The following TSHZ2 variants were observed in gnomAD, a reference collection of about 807,000 sequenced individuals.
The protein encoded by TSHZ2 is teashirt homolog 2.
In TSHZ2, 21 loss-of-function variants were observed where a neutral mutation model predicts 74.4. The observed-to-expected ratio is 0.28, with a 90% CI of 0.20 to 0.41. The LOEUF is 0.41. TSHZ2 is among the 10% of genes least tolerant of loss of function. TSHZ2 has a pLI of 1.00. For missense variants in TSHZ2, 1,244 were observed against 1,293.5 expected, an observed-to-expected ratio of 0.96 and a Z score of 0.59; for synonymous variants, 540 against 515.3, an observed-to-expected ratio of 1.05 and a Z score of -0.65.
intron 1 of TSHZ2, among the ~76,000 whole-genome samples, chr20:53,133,599 A>T (rs1195491584): frequency 1.3e-5 from 2 of 152,254 alleles, no homozygotes; most frequent in African/African-American, 4.8e-5. Flanking sequence ...TCTGCTTAAA[A>T]ATACATATAT....
At chr20:53,027,758 C>CA (rs974291474) in intron 1 of TSHZ2, among the ~76,000 whole-genome samples, 1 of 151,368 alleles carries the variant, frequency 6.6e-6, no homozygotes, top group Non-Finnish European at 1.5e-5. Context: ...GACTTCAACT[C>CA]AAAAAAAGAA....
chr20:53,085,795 T>G (rs1440770821), intron 1 of TSHZ2, among the ~76,000 whole-genome samples: 1 of 152,182 alleles, frequency 6.6e-6, no homozygotes, highest in Non-Finnish European at 1.5e-5. Context: ...AGCTGCAAAG[T>G]CATGCCCATT....
At chr20:53,363,450 G>A (rs893294327) in intron 2 of TSHZ2, among the ~76,000 whole-genome samples, 1 of 152,204 alleles carries the variant, frequency 6.6e-6, no homozygotes, top group Non-Finnish European at 1.5e-5. Context: ...ATATCATTGG[G>A]ATATGGATTA....
chr20:53,386,610 C>T (rs931372005), intron 2 of TSHZ2, among the ~76,000 whole-genome samples: 6 of 152,294 alleles, frequency 3.9e-5, no homozygotes, highest in African/African-American at 7.2e-5. Flanking sequence ...TTGTCAAGGG[C>T]GACACTTCTG....
chr20:53,080,072 G>A (rs1478772355), intron 1 of TSHZ2, among the ~76,000 whole-genome samples: 3 of 152,198 alleles, frequency 2.0e-5, no homozygotes, highest in East Asian at 1.9e-4. Context: ...ATCAAGACCC[G>A]AAAAGCAATT....
chr20:53,233,015 C>A (rs550235891), intron 1 of TSHZ2, among the ~76,000 whole-genome samples: 1 of 152,230 alleles, frequency 6.6e-6, no homozygotes, highest in African/African-American at 2.4e-5. Flanking sequence ...TAAAAAAGAT[C>A]TTTATAATGT....
chr20:53,051,453 G>GCGCACA (rs1423362488), intron 1 of TSHZ2, among the ~76,000 whole-genome samples: 9 of 102,992 alleles, frequency 8.7e-5, no homozygotes, highest in South Asian at 6.9e-4. Flanking sequence ...ACTCTGTGGC[G>GCGCACA]CACGCACACA....
At chr20:53,218,616 A>C (rs981673592) in intron 1 of TSHZ2, among the ~76,000 whole-genome samples, 2 of 152,012 alleles carry the variant, frequency 1.3e-5, no homozygotes, top group South Asian at 4.2e-4. Flanking sequence ...TCACTCAGCA[A>C]CTCTCCCCAA....
chr20:53,319,191 A>G (rs575307686), intron 2 of TSHZ2, among the ~76,000 whole-genome samples: 1 of 152,338 alleles, frequency 6.6e-6, no homozygotes, highest in African/African-American at 2.4e-5. Context: ...GCTAATATTT[A>G]TTGATCACCT....
chr20:53,488,387 A>T lies in TSHZ2; in HGVS notation c.*1252A>T, dbSNP rs1256945775. 6.6e-6 allele frequency: 1 copy of T among 152,650 alleles called. No individual in the cohort carries two copies. Among genetic ancestry groups the T allele is most frequent in the Admixed American group, 6.5e-5 (1 of 15,308 alleles). 9.5% of individuals were successfully genotyped at this position (152,650 alleles called of 1,614,324 possible). ...TTACACAGATTAAAATCAGGTCCTA[A>T]GTCAACTTGGAAGAGCTAAGAGCAT... is the stretch of plus-strand genomic sequence containing the variant. On this transcript the variant is annotated 3_prime_UTR_variant, in exon 3 of 3. Transcript: ENST00000371497.
At chr20:53,332,143 A>G (rs986614710) in intron 2 of TSHZ2, among the ~76,000 whole-genome samples, 2 of 152,192 alleles carry the variant, frequency 1.3e-5, no homozygotes, top group African/African-American at 4.8e-5. Flanking sequence ...ACCACATGCC[A>G]GGCACTGTGC....
chr20:53,007,737 CGTGTGT>C (rs35218931), intron 1 of TSHZ2, among the ~76,000 whole-genome samples: 8 of 148,088 alleles, frequency 5.4e-5, no homozygotes, highest in South Asian at 4.4e-4. Context: ...TATGTATATT[CGTGTGT>C]GTGTGTGTGT....
At chr20:53,155,602 A>G (rs1987776897) in intron 1 of TSHZ2, among the ~76,000 whole-genome samples, 1 of 151,946 alleles carries the variant, frequency 6.6e-6, no homozygotes, top group Non-Finnish European at 1.5e-5. Flanking sequence ...CAGATCACTG[A>G]AGATTGAGGG....
chr20:53,262,740 A>C (rs1990628350), intron 2 of TSHZ2, among the ~76,000 whole-genome samples: 1 of 152,182 alleles, frequency 6.6e-6, no homozygotes, highest in Non-Finnish European at 1.5e-5. Flanking sequence ...CCAAAATAGA[A>C]GAGGATTTGG....
intron 2 of TSHZ2, among the ~76,000 whole-genome samples, chr20:53,328,686 G>A (rs529524617): frequency 6.6e-6 from 1 of 152,160 alleles, no homozygotes; most frequent in Admixed American, 6.5e-5. Flanking sequence ...TTTTCCCAGT[G>A]GTTGCCAGGA....
At chr20:53,377,927 T>C (rs1029436552) in intron 2 of TSHZ2, among the ~76,000 whole-genome samples, 2 of 152,112 alleles carry the variant, frequency 1.3e-5, no homozygotes, top group African/African-American at 2.4e-5. Flanking sequence ...ATTAGATGCT[T>C]GTCTCAAGGT....
At chr20:53,245,798 T>C (rs1052062636) in intron 1 of TSHZ2, among the ~76,000 whole-genome samples, 3 of 152,134 alleles carry the variant, frequency 2.0e-5, no homozygotes, top group Admixed American at 1.3e-4. Context: ...AGGCTTGGGA[T>C]AGTCACTCCT....
At chr20:53,112,166 C>T (rs1192039421) in intron 1 of TSHZ2, among the ~76,000 whole-genome samples, 1 of 152,200 alleles carries the variant, frequency 6.6e-6, no homozygotes, top group Non-Finnish European at 1.5e-5. Flanking sequence ...CACCAGAGGG[C>T]AGGGAGGGGC....
intron 2 of TSHZ2, among the ~76,000 whole-genome samples, chr20:53,305,603 A>G (rs774112852): frequency 5.3e-5 from 8 of 152,196 alleles, no homozygotes; most frequent in Non-Finnish European, 7.3e-5. Flanking sequence ...AGTTGGCTAC[A>G]AGGAGGTGCT....
Sources: allele counts gnomAD v4.1 joint callset (sites outside exome capture counted in the v4.1 genomes callset), GRCh38; gene constraint gnomAD v4.1.1; transcripts MANE v1.5; gene names NCBI Gene and HGNC (gene_info 2026-07-23, HGNC 2026-07-21).